Variants in KCNQ3 observed in about 807,000 individuals in gnomAD.
The protein encoded by KCNQ3 is potassium voltage-gated channel subfamily KQT member 3.
Under a neutral mutation model 92.5 loss-of-function variants are expected in KCNQ3, and 30 were observed. The ratio of observed to expected loss-of-function variants is 0.32; its 90% CI spans 0.24 to 0.44. The LOEUF is 0.44. Ranked by LOEUF, KCNQ3 falls within the 20% of genes least tolerant of loss-of-function variation. The probability of loss-of-function intolerance (pLI) is 1.00; values close to 1 mark genes in which losing one functional copy is unlikely to be tolerated. For missense variants in KCNQ3, 913 were observed against 1,140.3 expected (o/e 0.80, Z 2.87); for synonymous variants, 450 against 468.8 (o/e 0.96, Z 0.52).
chr8:132,125,458 A>G lies in KCNQ3; in HGVS notation c.*3804T>C, dbSNP rs2130916613. ...TAGATTCCTAGCATTTTGATGGCAG[A>G]AACTGTGGTTTTCTTATCTCTGAAC... On this transcript the variant is annotated 3_prime_UTR_variant, in exon 15 of 15. Transcript: ENST00000388996. The G allele has an allele frequency of 6.6e-6, 1 of 152,342 alleles. No homozygotes were observed. The highest frequency in any genetic ancestry group is 2.4e-5 in the African/African-American group (1 of 41,588). 9.4% of individuals were successfully genotyped at this position (152,342 alleles called of 1,614,324 possible).
At chr8:132,148,271 A>G (rs2130956194) in intron 9 of KCNQ3, among the ~76,000 whole-genome samples, 1 of 151,894 alleles carries the variant, frequency 6.6e-6, no homozygotes, top group South Asian at 2.1e-4. Flanking sequence ...TTTTTTGGAG[A>G]CAGAGTCTTG....
chr8:132,281,414 A>T (rs1350080200), intron 1 of KCNQ3, among the ~76,000 whole-genome samples: 1 of 152,114 alleles, frequency 6.6e-6, no homozygotes, highest in Non-Finnish European at 1.5e-5. Flanking sequence ...AGACACAAAA[A>T]CATACACACA....
At chr8:132,234,488 G>A (rs540294330) in intron 1 of KCNQ3, among the ~76,000 whole-genome samples, 11 of 151,976 alleles carry the variant, frequency 7.2e-5, no homozygotes, top group Admixed American at 5.2e-4. Flanking sequence ...TACCTTCTGC[G>A]GGTGGGTGGA....
intron 1 of KCNQ3, among the ~76,000 whole-genome samples, chr8:132,265,334 T>C (rs1186447050): frequency 6.6e-6 from 1 of 152,244 alleles, no homozygotes; most frequent in Non-Finnish European, 1.5e-5. Flanking sequence ...CAACAACCAG[T>C]ATGCTTAGAA....
At chr8:132,347,623 T>C (rs1321686577) in intron 1 of KCNQ3, among the ~76,000 whole-genome samples, 1 of 152,150 alleles carries the variant, frequency 6.6e-6, no homozygotes, top group East Asian at 1.9e-4. Context: ...GAAGATCTTG[T>C]TTTAAATAAC....
chr8:132,187,729 ATAGTGATGATGGTGGTGGTGGTGG>A lies in KCNQ3; in HGVS notation c.387-1572_387-1549del, dbSNP rs1563795467. Among the ~76,000 whole-genome samples, 33 of 122,234 alleles carry A rather than the reference ATAGTGATGATGGTGGTGGTGGTGG, an allele frequency of 2.7e-4. No individual in the cohort carries two copies. In the East Asian group the frequency reaches 6.2e-3, roughly 23 times the overall value. 80.2% of individuals were successfully genotyped at this position (122,234 alleles called of 152,430 possible). A position where few individuals can be genotyped will look rare whatever the true frequency, so the allele number is the denominator to read the frequency against. The stretch of plus-strand genomic sequence containing the variant: ...GGTGGTGGTGGTGGTGATGGTGGTG[ATAGTGATGATGGTGGTGGTGGTGG>A]TAGTGATGATGGTGGTAGTGATAGT... On this transcript the variant is annotated intron_variant, in intron 1 of 14. Coordinates refer to ENST00000388996, the MANE Select transcript of KCNQ3 (RefSeq NM_004519.4).
chr8:132,209,514 T>G lies in KCNQ3; in HGVS notation c.387-23333A>C, dbSNP rs763903329. On this transcript the variant is annotated intron_variant, in intron 1 of 14. Coordinates refer to ENST00000388996, the MANE Select transcript of KCNQ3 (RefSeq NM_004519.4). ...GTCATTAAGCCATTTTTTTGTATAA[T>G]GTACGTAATTCACACCACACACACA... Among the ~76,000 whole-genome samples the G allele has an allele frequency of 1.5e-4, 22 of 150,556 alleles. 1 individual carries two copies. The highest frequency in any genetic ancestry group is 2.8e-4 in the Non-Finnish European group (19 of 67,868).
intron 1 of KCNQ3, among the ~76,000 whole-genome samples, chr8:132,257,812 A>G (rs1815644006): frequency 6.6e-6 from 1 of 152,008 alleles, no homozygotes; most frequent in Non-Finnish European, 1.5e-5. Flanking sequence ...AAGATTAAAT[A>G]TAAACTATAG....
chr8:132,426,290 A>G (rs1198092534), intron 1 of KCNQ3, among the ~76,000 whole-genome samples: 2 of 152,206 alleles, frequency 1.3e-5, no homozygotes, highest in South Asian at 2.1e-4. Flanking sequence ...TAAGGCCCTC[A>G]GGCAAACAAC....
intron 1 of KCNQ3, among the ~76,000 whole-genome samples, chr8:132,383,058 C>T (rs1819795176): frequency 6.6e-6 from 1 of 152,142 alleles, no homozygotes; most frequent in South Asian, 2.1e-4. Context: ...CTCTCTCATT[C>T]TAAATAGAAA....
intron 1 of KCNQ3, among the ~76,000 whole-genome samples, chr8:132,287,933 G>A (rs1308781260): frequency 6.6e-6 from 1 of 152,050 alleles, no homozygotes; most frequent in Non-Finnish European, 1.5e-5. Context: ...TGAATTTTAT[G>A]TTATTAAAAA....
chr8:132,183,014 G>T (rs1826841330), intron 3 of KCNQ3, among the ~76,000 whole-genome samples: 1 of 152,086 alleles, frequency 6.6e-6, no homozygotes, highest in Non-Finnish European at 1.5e-5. Context: ...TCAGCTAGGA[G>T]TGGGCAAGAC....
At chr8:132,145,743 T>G (rs921874957) in intron 9 of KCNQ3, among the ~76,000 whole-genome samples, 1 of 152,152 alleles carries the variant, frequency 6.6e-6, no homozygotes, top group Admixed American at 6.5e-5. Flanking sequence ...AATGCAGTAA[T>G]GAAGAATGGG....
At chr8:132,322,316 G>C (rs182565512) in intron 1 of KCNQ3, among the ~76,000 whole-genome samples, 106 of 152,282 alleles carry the variant, frequency 7.0e-4, no homozygotes, top group Non-Finnish European at 1.4e-3. Context: ...CATTTGGAAA[G>C]AAATCAATGC....
rs1397904628 is a variant in KCNQ3, at chr8:132,230,477, GAGAGAA to G, written c.387-44302_387-44297del. ...AGAGAGAGAGAGAGAGAGAGAGAGA[GAGAGAA>G]AATCCTTTAACCTCTTACCATATTA... On this transcript the variant is annotated intron_variant, in intron 1 of 14. Coordinates refer to ENST00000388996, the MANE Select transcript of KCNQ3 (RefSeq NM_004519.4). Among the ~76,000 whole-genome samples the G allele has an allele frequency of 5.5e-4, 80 of 145,592 alleles. 1 individual carries two copies. The highest frequency in any genetic ancestry group is 2.1e-3 in the African/African-American group (78 of 36,992).
chr8:132,240,037 A>G (rs1380729809), intron 1 of KCNQ3, among the ~76,000 whole-genome samples: 1 of 152,164 alleles, frequency 6.6e-6, no homozygotes, highest in African/African-American at 2.4e-5. Context: ...TCTAAAGGAA[A>G]CTTTGCAGCT....
intron 1 of KCNQ3, among the ~76,000 whole-genome samples, chr8:132,428,552 C>G (rs980404063): frequency 5.3e-5 from 8 of 151,334 alleles, no homozygotes; most frequent in Admixed American, 1.3e-4. Context: ...CACACACATA[C>G]AGAGAGAGAG....
At chr8:132,447,392 G>T in intron 1 of KCNQ3, 1 of 719,084 alleles carries the variant, frequency 1.4e-6, no homozygotes, top group Non-Finnish European at 2.4e-6. Context: ...AGAAGACACT[G>T]CAAGAAAGAA....
At chr8:132,431,809 A>G (rs1485344149) in intron 1 of KCNQ3, among the ~76,000 whole-genome samples, 2 of 152,144 alleles carry the variant, frequency 1.3e-5, no homozygotes, top group Non-Finnish European at 2.9e-5. Flanking sequence ...CCCAACTTAC[A>G]TGGAGATCCC....
Sources: gnomAD v4.1 joint callset for allele counts (sites outside exome capture counted in the v4.1 genomes callset) on GRCh38, gnomAD v4.1.1 for gene constraint, MANE v1.5 for transcripts, NCBI Gene and HGNC (gene_info 2026-07-23, HGNC 2026-07-21) for gene names.